LTC4S: variants seen among roughly 807,000 people sequenced by gnomAD.
LTC4S encodes LTC4 synthase.
In LTC4S, 18 loss-of-function variants were observed where a neutral mutation model predicts 19.6. That is an observed-to-expected ratio of 0.92 (90% confidence interval 0.64 to 1.36). The LOEUF (loss-of-function observed/expected upper bound fraction) is 1.36, where lower values mean the gene tolerates loss of function less well. Among genes scored for constraint, LTC4S ranks in the 40% most tolerant of loss-of-function variants. The pLI is 0.00. For missense variants in LTC4S, 235 were observed against 212.2 expected (o/e 1.11, Z -0.67); for synonymous variants, 126 against 110.1 (o/e 1.14, Z -0.91).
At chr5:179,795,290 G>T in intron 1 of LTC4S, 2 of 1,020,640 alleles carry the variant, frequency 2.0e-6, no homozygotes, top group Non-Finnish European at 1.3e-6. Flanking sequence ...CTCTCTCGCG[G>T]AGCAGGTGTC....
At position 179,795,798 on chromosome 5, in the gene LTC4S, C is replaced by T; in HGVS notation, c.171C>T (p.Ser57=). The T allele has an allele frequency of 6.2e-7, 1 of 1,602,972 alleles. No homozygotes were observed. The highest frequency in any genetic ancestry group is 8.5e-7 in the Non-Finnish European group (1 of 1,176,600). Residue 57 remains serine, a synonymous_variant, in exon 3 of 5, where the codon AGC becomes AGT. Transcript: ENST00000292596. ...CCGCCCACCGCAGGGTGAACTGCAG[C>T]GAGTACTTCCCGCTGTTCCTCGCCA... ...ERVYRAQVNC[S]EYFPLFLATL...
rs770084179 is a variant in LTC4S, at chr5:179,795,690, C to A, written c.158+7C>A. The A allele has an allele frequency of 5.0e-6, 8 of 1,591,424 alleles. No individual in the cohort carries two copies. In the South Asian group the frequency reaches 7.9e-5, roughly 16 times the overall value. On this transcript the variant is annotated splice_region_variant and intron_variant, in intron 2 of 4. Coordinates refer to ENST00000292596, the MANE Select transcript of LTC4S (RefSeq NM_145867.2). ...AGCGCGTCTACCGAGCCCAGTGAGG[C>A]GCGGCGGGAGGGCGCGGGGCGGGGA...
intron 1 of LTC4S, among the ~76,000 whole-genome samples, chr5:179,794,628 C>T (rs1287655680): frequency 2.0e-5 from 3 of 152,248 alleles, no homozygotes; most frequent in African/African-American, 4.8e-5. Flanking sequence ...TAAGGCACAG[C>T]CTGGGGAGGG....
Position 179,796,561 on chromosome 5 carries a change from G to A in LTC4S, c.*167G>A, listed in dbSNP as rs1358252889. On this transcript the variant is annotated 3_prime_UTR_variant, in exon 5 of 5. Transcript: ENST00000292596. Reference sequence around the variant, plus strand: ...GCGGGGGTGGCGCACCGCGGGCTACGGAGCCTGGAGGGGCCCAGCCCGAGT... The same window carrying A: ...GCGGGGGTGGCGCACCGCGGGCTACAGAGCCTGGAGGGGCCCAGCCCGAGT... 4 of 1,095,188 alleles carry A rather than the reference G, an allele frequency of 3.7e-6. No homozygotes were observed. The highest frequency in any genetic ancestry group is 1.7e-5 in the African/African-American group (1 of 60,092). The allele number at this position is 1,095,188 out of a possible 1,614,324, so 67.8% of individuals were successfully genotyped here. A position where few individuals can be genotyped will look rare whatever the true frequency, so the allele number is the denominator to read the frequency against.
intron 1 of LTC4S, 88 bp from the exon 2 acceptor site, chr5:179,795,496 T>C: frequency 6.5e-7 from 1 of 1,530,610 alleles, no homozygotes; most frequent in Non-Finnish European, 8.8e-7. Context: ...CACGGCCAAG[T>C]GAAGGGCCAG....
chr5:179,794,371 T>C (rs1374724493), intron 1 of LTC4S, among the ~76,000 whole-genome samples: 1 of 152,098 alleles, frequency 6.6e-6, no homozygotes, highest in African/African-American at 2.4e-5. Context: ...GGGAAGCTGA[T>C]CTCTGCTCTT....
rs921550243 is a variant in LTC4S, at chr5:179,796,257, G to A, written c.316G>A (p.Ala106Thr). 8 of 1,464,506 alleles carry A rather than the reference G, an allele frequency of 5.5e-6. No homozygotes were observed. Among genetic ancestry groups the A allele is most frequent in the Non-Finnish European group, 7.2e-6 (8 of 1,113,594 alleles). The allele number at this position is 1,464,506 out of a possible 1,614,324, so 90.7% of individuals were successfully genotyped here. A position where few individuals can be genotyped will look rare whatever the true frequency, so the allele number is the denominator to read the frequency against. The change falls in exon 5 of 5, where the codon GCA (alanine) becomes ACA (threonine). Residue 106 changes from alanine (A) to threonine (T), a missense_variant. Transcript: ENST00000292596. ...CCCGCTGACCGCCGCCCGCAGGCTG[G>A]CACCGCTGTACGCGAGCGCGCGCGC... is the stretch of plus-strand genomic sequence containing the variant. ...GYARSAQLRL[A>T]PLYASARALW...
intron 1 of LTC4S, 160 bp from the exon 2 acceptor site, chr5:179,795,424 G>A (rs970876927): frequency 3.4e-6 from 5 of 1,475,800 alleles, no homozygotes; most frequent in Non-Finnish European, 4.5e-6. Context: ...GCCAGGGATG[G>A]GTGAGACGAG....
At position 179,796,568 on chromosome 5, in the gene LTC4S, G is replaced by C; in HGVS notation, c.*174G>C. ...TGGCGCACCGCGGGCTACGGAGCCT[G>C]GAGGGGCCCAGCCCGAGTCCGGGCA... On this transcript the variant is annotated 3_prime_UTR_variant, in exon 5 of 5. Transcript: ENST00000292596. The C allele has an allele frequency of 2.8e-6, 3 of 1,061,686 alleles. No homozygotes were observed. The highest frequency in any genetic ancestry group is 3.7e-6 in the Non-Finnish European group (3 of 809,048). 65.8% of individuals were successfully genotyped at this position (1,061,686 alleles called of 1,614,324 possible).
At position 179,796,074 on chromosome 5, in the gene LTC4S, C is replaced by T. The variant is rs948046020; in HGVS notation, c.311+52C>T. On this transcript the variant is annotated intron_variant, in intron 4 of 4. Transcript: ENST00000292596. The stretch of plus-strand genomic sequence containing the variant: ...GGGCCGGGGAAAGATCGCGGGCGGG[C>T]GGGGCTCCTGGGGAGCGGGACCGAA... The T allele has an allele frequency of 7.8e-6, 8 of 1,025,352 alleles. No individual in the cohort carries two copies. The African/African-American group carries it at 1.1e-4, about 14-fold the overall frequency. 63.5% of individuals were successfully genotyped at this position (1,025,352 alleles called of 1,614,324 possible).
rs1484751750 is a variant in LTC4S, at chr5:179,796,309, C to T, written c.368C>T (p.Ala123Val). The change falls in exon 5 of 5, where the codon GCG becomes GTG. Residue 123 changes from alanine to valine, a missense_variant. Transcript: ENST00000292596. Reference protein sequence around the residue: ...RALWLLVALAALGLLAHFLPA... With the variant: ...RALWLLVALAVLGLLAHFLPA... ...CTCTGGCTGCTGGTGGCGCTGGCTG[C>T]GCTCGGCCTGCTCGCCCACTTCCTC... 4 of 1,481,674 alleles carry T rather than the reference C, an allele frequency of 2.7e-6. No homozygotes were observed. Among genetic ancestry groups the T allele is most frequent in the African/African-American group, 1.5e-5 (1 of 68,302 alleles). The allele number at this position is 1,481,674 out of a possible 1,614,324, so 91.8% of individuals were successfully genotyped here.
chr5:179,794,052 A>G lies in LTC4S; in HGVS notation c.-29A>G, dbSNP rs1255081684. Reference sequence around the variant, plus strand: ...AGCGTTCCCCAGCTCGCCTTCACACACAGCCCGTGCCACCACACCGACGGT... The same window carrying G: ...AGCGTTCCCCAGCTCGCCTTCACACGCAGCCCGTGCCACCACACCGACGGT... On this transcript the variant is annotated 5_prime_UTR_variant, in exon 1 of 5. Coordinates refer to ENST00000292596, the MANE Select transcript of LTC4S (RefSeq NM_145867.2). The G allele has an allele frequency of 1.9e-6, 3 of 1,613,336 alleles. No homozygotes were observed. Among genetic ancestry groups the G allele is most frequent in the African/African-American group, 1.3e-5 (1 of 75,016 alleles).
At chr5:179,795,358 C>T in intron 1 of LTC4S, 1 of 1,415,418 alleles carries the variant, frequency 7.1e-7, no homozygotes, top group Non-Finnish European at 9.2e-7. Context: ...CAGGGCCTCT[C>T]TGCGCCCCAG....
intron 2 of LTC4S, 33 bp downstream of exon 2, chr5:179,795,716 G>A: frequency 2.6e-6 from 4 of 1,568,134 alleles, no homozygotes; most frequent in East Asian, 2.4e-5. Flanking sequence ...GGGGCGGGGA[G>A]CGAGCCCCAG....
chr5:179,796,397 C>A lies in LTC4S; in HGVS notation c.*3C>A. 6.7e-7 allele frequency: 1 copy of A among 1,490,232 alleles called. No homozygotes were observed. Among genetic ancestry groups the A allele is most frequent in the Non-Finnish European group, 8.9e-7 (1 of 1,126,562 alleles). The allele number at this position is 1,490,232 out of a possible 1,614,324, so 92.3% of individuals were successfully genotyped here. On this transcript the variant is annotated 3_prime_UTR_variant, in exon 5 of 5. Transcript: ENST00000292596. ...GGACGCTGCTGCCGTGGGCCTGAGA[C>A]CAAGGCCCCCGGGCCGACGGAGCCG... is the stretch of plus-strand genomic sequence containing the variant.
rs376998290 is a variant in LTC4S, at chr5:179,794,075, G to A, written c.-6G>A. ...ACACAGCCCGTGCCACCACACCGAC[G>A]GTACCATGAAGGACGAGGTAGCTCT... is the stretch of plus-strand genomic sequence containing the variant. On this transcript the variant is annotated 5_prime_UTR_variant, in exon 1 of 5. Transcript: ENST00000292596. 73 of 1,613,510 alleles carry A rather than the reference G, an allele frequency of 4.5e-5. No homozygotes were observed. Among genetic ancestry groups the A allele is most frequent in the South Asian group, 4.0e-4 (36 of 91,072 alleles).
chr5:179,795,494 A>C (rs1756573578), intron 1 of LTC4S, 90 bp from the exon 2 acceptor site: 1 of 1,529,968 alleles, frequency 6.5e-7, no homozygotes, highest in Middle Eastern at 1.8e-4. Context: ...GACACGGCCA[A>C]GTGAAGGGCC....
rs1756539204 is a variant in LTC4S, at chr5:179,794,076, G to A, written c.-5G>A. 2.5e-6 allele frequency: 4 copies of A among 1,613,548 alleles called. No homozygotes were observed. The highest frequency in any genetic ancestry group is 3.4e-6 in the Non-Finnish European group (4 of 1,179,968). ...CACAGCCCGTGCCACCACACCGACG[G>A]TACCATGAAGGACGAGGTAGCTCTA... On this transcript the variant is annotated 5_prime_UTR_variant, in exon 1 of 5. Transcript: ENST00000292596.
chr5:179,795,771 AC>A lies in LTC4S; in HGVS notation c.159-12del. 1 of 1,249,866 alleles carries A rather than the reference AC, an allele frequency of 8.0e-7. No homozygotes were observed. The highest frequency in any genetic ancestry group is 1.2e-6 in the Non-Finnish European group (1 of 866,044). The allele number at this position is 1,249,866 out of a possible 1,614,324, so 77.4% of individuals were successfully genotyped here. On this transcript the variant is annotated splice_polypyrimidine_tract_variant and intron_variant, in intron 2 of 4. Transcript: ENST00000292596. ...CCATCCCGGCCGGCGCGCTCATCCC[AC>A]CCGCCCACCGCAGGGTGAACTGCAG...
Sources: gnomAD v4.1 joint callset for allele counts (sites outside exome capture counted in the v4.1 genomes callset) on GRCh38, gnomAD v4.1.1 for gene constraint, MANE v1.5 for transcripts, NCBI Gene and HGNC (gene_info 2026-07-23, HGNC 2026-07-21) for gene names.